LRMDA: variants seen among roughly 807,000 people sequenced by gnomAD.
The protein encoded by LRMDA is leucine rich melanocyte differentiation associated.
Under a neutral mutation model 29.8 loss-of-function variants are expected in LRMDA, and 18 were observed. That is an observed-to-expected ratio of 0.60 (90% confidence interval 0.42 to 0.90). The LOEUF (loss-of-function observed/expected upper bound fraction) is 0.90, where lower values mean the gene tolerates loss of function less well. Ranked by LOEUF, LRMDA falls within the 40% of genes least tolerant of loss-of-function variation. The pLI, the probability that LRMDA is intolerant of heterozygous loss-of-function variation, is 0.00. For synonymous variants in LRMDA, 125 were observed against 109.4 expected, an observed-to-expected ratio of 1.14 and a Z score of -0.89; for missense variants, 273 against 273.9, an observed-to-expected ratio of 1.00 and a Z score of 0.02.
At chr10:76,485,741 C>A (rs1236678548) in intron 6 of LRMDA, among the ~76,000 whole-genome samples, 1 of 151,640 alleles carries the variant, frequency 6.6e-6, no homozygotes, top group Admixed American at 6.6e-5. Context: ...TTATTTCTTC[C>A]TTACTATTGA....
chr10:75,672,474 C>T (rs1841902441), intron 2 of LRMDA, among the ~76,000 whole-genome samples: 1 of 138,576 alleles, frequency 7.2e-6, no homozygotes, highest in African/African-American at 2.7e-5. Flanking sequence ...ATATTGGGAC[C>T]TCCTGTTCCT....
intron 5 of LRMDA, among the ~76,000 whole-genome samples, chr10:76,171,222 G>A (rs931341479): frequency 6.6e-5 from 10 of 152,264 alleles, no homozygotes; most frequent in African/African-American, 2.4e-4. Context: ...TGCAACCTCT[G>A]CCTCCTGGGT....
intron 5 of LRMDA, among the ~76,000 whole-genome samples, chr10:76,095,816 ATCT>A (rs2132096242): frequency 6.6e-6 from 1 of 152,296 alleles, no homozygotes; most frequent in East Asian, 1.9e-4. Flanking sequence ...TTCACACATC[ATCT>A]TTGGTTAAAG....
intron 2 of LRMDA, among the ~76,000 whole-genome samples, chr10:75,734,952 C>G (rs1842743581): frequency 1.3e-5 from 2 of 152,226 alleles, no homozygotes; most frequent in African/African-American, 4.8e-5. Context: ...TCTCATGCTG[C>G]TCTGCTTTTT....
intron 5 of LRMDA, among the ~76,000 whole-genome samples, chr10:76,208,811 A>G (rs1258870665): frequency 1.3e-5 from 2 of 152,044 alleles, no homozygotes; most frequent in African/African-American, 4.8e-5. Context: ...TCTGCTCAGT[A>G]TGGCTTTCCA....
At chr10:75,885,673 C>T (rs1845376030) in intron 2 of LRMDA, among the ~76,000 whole-genome samples, 1 of 152,248 alleles carries the variant, frequency 6.6e-6, no homozygotes, top group African/African-American at 2.4e-5. Flanking sequence ...TTCATTTTTA[C>T]ACATCCAAAG....
intron 2 of LRMDA, among the ~76,000 whole-genome samples, chr10:75,977,320 T>C (rs916415295): frequency 1.3e-4 from 20 of 152,176 alleles, no homozygotes; most frequent in African/African-American, 4.1e-4. Flanking sequence ...TTGCAGATGC[T>C]TCTTCCCCAG....
Position 75,592,141 on chromosome 10 carries a change from T to C in LRMDA, c.131+153647T>C, listed in dbSNP as rs1840730823. On this transcript the variant is annotated intron_variant, in intron 2 of 6. Transcript: ENST00000611255. ...CCTGATGTGGCAAAGAGGAATGAGC[T>C]GGGGTGCAAGGGCCCTTTGTTCCAC... Among the ~76,000 whole-genome samples, 4 of 152,098 alleles carry C rather than the reference T, an allele frequency of 2.6e-5. 1 individual carries two copies. In the Middle Eastern group the frequency reaches 0.014, roughly 517 times the overall value.
intron 5 of LRMDA, among the ~76,000 whole-genome samples, chr10:76,131,150 A>G (rs1204118679): frequency 3.9e-5 from 6 of 151,978 alleles, no homozygotes; most frequent in Non-Finnish European, 8.8e-5. Context: ...TGCCCCCTTC[A>G]CCATCTTGGT....
At chr10:76,474,818 T>C (rs1842650682) in intron 6 of LRMDA, among the ~76,000 whole-genome samples, 1 of 151,646 alleles carries the variant, frequency 6.6e-6, no homozygotes, top group Non-Finnish European at 1.5e-5. Context: ...GGCAGTTTCT[T>C]AAAAGGTTAA....
chr10:75,548,892 C>T (rs1240565293), intron 2 of LRMDA, among the ~76,000 whole-genome samples: 1 of 152,084 alleles, frequency 6.6e-6, no homozygotes, highest in Non-Finnish European at 1.5e-5. Flanking sequence ...TAGTCAAGAC[C>T]TATGCTGATC....
chr10:76,091,107 C>A (rs1348178134), intron 5 of LRMDA, among the ~76,000 whole-genome samples: 1 of 152,192 alleles, frequency 6.6e-6, no homozygotes, highest in African/African-American at 2.4e-5. Context: ...TGACTTTGAA[C>A]AAATTAGTAA....
At chr10:75,845,799 A>G (rs1844624806) in intron 2 of LRMDA, among the ~76,000 whole-genome samples, 1 of 152,164 alleles carries the variant, frequency 6.6e-6, no homozygotes, top group Non-Finnish European at 1.5e-5. Context: ...AAAAAACAGG[A>G]AAGGGCCCTC....
Position 76,017,738 on chromosome 10 carries a change from G to T in LRMDA, c.132-18270G>T, listed in dbSNP as rs916377018. 1.5e-4 allele frequency among the ~76,000 whole-genome samples: 23 copies of T among 152,298 alleles called. No individual in the cohort carries two copies. The East Asian group carries it at 3.5e-3, about 23-fold the overall frequency. On this transcript the variant is annotated intron_variant, in intron 2 of 6. Transcript: ENST00000611255. The stretch of plus-strand genomic sequence containing the variant: ...CCTACACTCAGGCAGCTGTGTTGGG[G>T]CAGATCTGAAATCTCTGAGGGACAG...
chr10:76,179,059 G>A (rs1230599760), intron 5 of LRMDA, among the ~76,000 whole-genome samples: 1 of 152,176 alleles, frequency 6.6e-6, no homozygotes, highest in Non-Finnish European at 1.5e-5. Flanking sequence ...CCTTAGACTT[G>A]TAAGAACTGT....
intron 6 of LRMDA, among the ~76,000 whole-genome samples, chr10:76,353,361 TGA>T (rs1554815253): frequency 6.6e-6 from 1 of 150,884 alleles, no homozygotes; most frequent in Non-Finnish European, 1.5e-5. Flanking sequence ...TGTGTGTGTG[TGA>T]GATAGATTGA....
chr10:76,034,086 G>T (rs1189421552), intron 2 of LRMDA, among the ~76,000 whole-genome samples: 1 of 152,214 alleles, frequency 6.6e-6, no homozygotes, highest in East Asian at 1.9e-4. Flanking sequence ...AGTTCAGATG[G>T]GCTATTGACA....
At chr10:75,660,263 A>G (rs541738330) in intron 2 of LRMDA, among the ~76,000 whole-genome samples, 27 of 152,246 alleles carry the variant, frequency 1.8e-4, no homozygotes, top group Admixed American at 1.5e-3. Flanking sequence ...TCTTGTTCCC[A>G]CTTTACGTTA....
chr10:76,281,598 T>C (rs1448453122), intron 5 of LRMDA, among the ~76,000 whole-genome samples: 1 of 152,146 alleles, frequency 6.6e-6, no homozygotes, highest in East Asian at 1.9e-4. Flanking sequence ...TGAATTTTCT[T>C]CAGTTCAAAG....
Sources: gnomAD v4.1 joint callset for allele counts (sites outside exome capture counted in the v4.1 genomes callset) on GRCh38, gnomAD v4.1.1 for gene constraint, MANE v1.5 for transcripts, NCBI Gene and HGNC (gene_info 2026-07-23, HGNC 2026-07-21) for gene names.